The following FAHD2B variants were observed in gnomAD, a reference collection of about 807,000 sequenced individuals.
FAHD2B encodes the protein fumarylacetoacetate hydrolase domain containing 2B.
Under a neutral mutation model 33.7 loss-of-function variants are expected in FAHD2B, and 26 were observed. The observed-to-expected ratio is 0.77, with a 90% CI of 0.57 to 1.07. The LOEUF (loss-of-function observed/expected upper bound fraction) is 1.07. Ranked by LOEUF, FAHD2B falls within the 50% of genes least tolerant of loss-of-function variation. The pLI is 0.00. For missense variants in FAHD2B, 272 were observed against 388.1 expected, an observed-to-expected ratio of 0.70 and a Z score of 2.51; for synonymous variants, 108 against 150.9, an observed-to-expected ratio of 0.72 and a Z score of 2.08.
Position 97,084,046 on chromosome 2 carries a change from G to GC in FAHD2B, c.795-12dup, listed in dbSNP as rs2031788036. 2 of 1,613,512 alleles carry GC rather than the reference G, an allele frequency of 1.2e-6. No individual in the cohort carries two copies. Among genetic ancestry groups the GC allele is most frequent in the Admixed American group, 1.7e-5 (1 of 59,796 alleles). ...TAAAAGGTAACAAACCTGGAGCAAA[G>GC]CAAAAGGACCCAGTGAGACCAGGGG... On this transcript the variant is annotated splice_polypyrimidine_tract_variant and intron_variant, in intron 7 of 8. Transcript: ENST00000414820.
downstream of FAHD2B, among the ~76,000 whole-genome samples, chr2:97,081,758 G>A (rs2031652473): frequency 6.7e-6 from 1 of 148,690 alleles, no homozygotes; most frequent in Admixed American, 6.6e-5. Flanking sequence ...GTGTGCCTCT[G>A]AGGTTCTCTG....
chr2:97,083,780 C>A lies in FAHD2B; in HGVS notation c.920G>T (p.Gly307Val). 6.2e-7 allele frequency: 1 copy of A among 1,614,146 alleles called. No individual in the cohort carries two copies. The highest frequency in any genetic ancestry group is 8.5e-7 in the Non-Finnish European group (1 of 1,180,042). The change falls in exon 9 of 9, where the codon GGT becomes GTT. Residue 307 changes from glycine (G) to valine (V), a missense_variant. Transcript: ENST00000414820. ...TCACACCACCTTGTTGATGATGACA[C>A]CTAGTTCTTCAATCTCACACTGGAC... ...DEVQCEIEEL[G>V]VIINKVV
chr2:97,086,274 G>A, intron 4 of FAHD2B, 76 bp from the exon 5 acceptor site: 1 of 1,567,494 alleles, frequency 6.4e-7, no homozygotes, highest in Non-Finnish European at 8.7e-7. Context: ...TGTACGCCAT[G>A]GATCTCTGTC....
chr2:97,080,152 A>C (rs2031592885), downstream of FAHD2B, among the ~76,000 whole-genome samples: 1 of 152,104 alleles, frequency 6.6e-6, no homozygotes, highest in Admixed American at 6.6e-5. Flanking sequence ...CATCTTTGTC[A>C]TGAAATCTTT....
downstream of FAHD2B, among the ~76,000 whole-genome samples, chr2:97,081,697 G>A (rs2443823): frequency 1.3e-5 from 2 of 148,772 alleles, no homozygotes; most frequent in Admixed American, 6.6e-5. Flanking sequence ...CTTGGGATAT[G>A]GCCACCTATG....
rs371910616 is a variant in FAHD2B at position 97,085,750 on chromosome 2, C to T, written c.634G>A (p.Asp212Asn). ...GCAGGGCCCAGAGGGCAGAAGGTGT[C>T]GAAGGTTTTTCCCAGCAGCCACTGT... ...GKQWLLGKTF[D>N]TFCPLGPALV... Residue 212 changes from aspartate to asparagine, a missense_variant, in exon 6 of 9, where the codon GAC (aspartate) becomes AAC (asparagine). Asp to Asn is a conservative substitution (Grantham distance 23). Transcript: ENST00000414820. 2.2e-5 allele frequency: 36 copies of T among 1,613,806 alleles called. No individual in the cohort carries two copies. Among genetic ancestry groups the T allele is most frequent in the East Asian group, 1.8e-4 (8 of 44,878 alleles).
At chr2:97,078,776 T>C (rs1202438129), downstream of FAHD2B, among the ~76,000 whole-genome samples, 1 of 152,116 alleles carries the variant, frequency 6.6e-6, no homozygotes, top group Non-Finnish European at 1.5e-5. Context: ...TATTTTAAAT[T>C]CAGGGGTACA....
At chr2:97,091,773 T>C in intron 2 of FAHD2B, 61 bp from the exon 3 acceptor site, 3 of 1,558,240 alleles carry the variant, frequency 1.9e-6, no homozygotes, top group Non-Finnish European at 2.6e-6. Flanking sequence ...TCAGCATCCC[T>C]GATATTCCTA....
At chr2:97,088,068 G>A (rs1205671626) in intron 4 of FAHD2B, among the ~76,000 whole-genome samples, 1 of 152,070 alleles carries the variant, frequency 6.6e-6, no homozygotes, top group Non-Finnish European at 1.5e-5. Context: ...GATTCTTCAA[G>A]GAAAGGGCAG....
At chr2:97,083,442 G>C, downstream of FAHD2B, 1 of 1,377,278 alleles carries the variant, frequency 7.3e-7, no homozygotes, top group Non-Finnish European at 9.7e-7. Flanking sequence ...AAGGGGACGA[G>C]ACGAGTTGTC....
At chr2:97,093,536 G>A (rs1231928204) in intron 1 of FAHD2B, among the ~76,000 whole-genome samples, 27 of 145,462 alleles carry the variant, frequency 1.9e-4, no homozygotes, top group Admixed American at 1.4e-4. Flanking sequence ...GTGCAGTGGC[G>A]CAATCTTGGC....
intron 1 of FAHD2B, among the ~76,000 whole-genome samples, chr2:97,092,392 C>T (rs2032400749): frequency 6.6e-6 from 1 of 152,134 alleles, no homozygotes; most frequent in African/African-American, 2.4e-5. Flanking sequence ...TTTCATTTCT[C>T]CTGATAGAGA....
chr2:97,088,512 C>T (rs2032136924), intron 4 of FAHD2B, among the ~76,000 whole-genome samples: 1 of 152,160 alleles, frequency 6.6e-6, no homozygotes, highest in Non-Finnish European at 1.5e-5. Flanking sequence ...TCCTTGCCTT[C>T]TGCCATGATT....
chr2:97,081,786 A>T (rs1453323064), downstream of FAHD2B, among the ~76,000 whole-genome samples: 2 of 148,302 alleles, frequency 1.3e-5, no homozygotes, highest in Non-Finnish European at 2.9e-5. Context: ...CCTGCTCCCC[A>T]CATTTCTTGG....
chr2:97,094,266 C>A (rs1325275256), intron 1 of FAHD2B, among the ~76,000 whole-genome samples: 2 of 151,850 alleles, frequency 1.3e-5, no homozygotes. Context: ...TTCATTCCAA[C>A]CTTACAGCAA....
At chr2:97,084,814 G>A (rs1190232062) in intron 6 of FAHD2B, among the ~76,000 whole-genome samples, 2 of 151,396 alleles carry the variant, frequency 1.3e-5, no homozygotes, top group African/African-American at 2.4e-5. Context: ...TCAGGAGGCT[G>A]AGGTGGGAGA....
At chr2:97,090,467 A>C in intron 3 of FAHD2B, 142 bp from the exon 4 acceptor site, 1 of 1,446,224 alleles carries the variant, frequency 6.9e-7, no homozygotes, top group Non-Finnish European at 9.2e-7. Flanking sequence ...AGTCAGTGTG[A>C]AAACCACTGA....
intron 3 of FAHD2B, 21 bp downstream of exon 3, chr2:97,091,441 C>T (rs764717923): frequency 2.4e-5 from 37 of 1,562,102 alleles, no homozygotes; most frequent in Middle Eastern, 1.7e-4. Context: ...TGCTTCAGGG[C>T]GATGCTGCCC....
intron 4 of FAHD2B, among the ~76,000 whole-genome samples, chr2:97,088,174 C>T (rs1033033699): frequency 2.0e-5 from 3 of 152,100 alleles, no homozygotes; most frequent in African/African-American, 4.8e-5. Context: ...ATTTCTGTAT[C>T]GTCCCTGGTG....
Sources: allele counts gnomAD v4.1 joint callset (sites outside exome capture counted in the v4.1 genomes callset), GRCh38; gene constraint gnomAD v4.1.1; transcripts MANE v1.5; gene names NCBI Gene and HGNC (gene_info 2026-07-23, HGNC 2026-07-21).